NEO1: variants seen among roughly 807,000 people sequenced by gnomAD.
The protein encoded by NEO1 is neogenin.
Under a neutral mutation model 159.7 loss-of-function variants are expected in NEO1, and 63 were observed. That is an observed-to-expected ratio of 0.39 (90% CI 0.32 to 0.49). NEO1 has a LOEUF of 0.49. Among genes scored for constraint, NEO1 ranks in the 20% least tolerant of loss-of-function variants. The pLI is 0.85. For missense variants in NEO1, 1,615 were observed against 1,831.0 expected (o/e 0.88, Z 2.15); for synonymous variants, 633 against 662.0 (o/e 0.96, Z 0.67).
At chr15:73,249,515 A>C (rs2039964323) in intron 10 of NEO1, 68 bp from the exon 11 acceptor site, 2 of 1,451,444 alleles carry the variant, frequency 1.4e-6, no homozygotes, top group African/African-American at 1.4e-5. Context: ...TTGTGTAGCT[A>C]ATTCTTTAAT....
At chr15:73,141,689 C>G (rs896281542) in intron 5 of NEO1, among the ~76,000 whole-genome samples, 1 of 152,214 alleles carries the variant, frequency 6.6e-6, no homozygotes, top group Non-Finnish European at 1.5e-5. Context: ...GCCTATGTCA[C>G]TCTACTTCTT....
chr15:73,122,649 C>G lies in NEO1; in HGVS notation c.573C>G (p.Pro191=). The change falls in exon 3 of 29, where the codon CCC becomes CCG. Residue 191 remains proline, a synonymous_variant. Transcript: ENST00000261908. ...PFVRWEQNRQ[P]LLLDDRVIKL... Reference sequence around the variant, plus strand: ...TGAGGTGGGAACAGAACAGACAACCCCTTCTTCTGGATGATAGAGTTATCA... The same window carrying G: ...TGAGGTGGGAACAGAACAGACAACCGCTTCTTCTGGATGATAGAGTTATCA... 1 of 1,613,984 alleles carries G rather than the reference C, an allele frequency of 6.2e-7. No homozygotes were observed. Among genetic ancestry groups the G allele is most frequent in the East Asian group, 2.2e-5 (1 of 44,888 alleles).
intron 1 of NEO1, among the ~76,000 whole-genome samples, chr15:73,093,753 A>G (rs1036711010): frequency 2.6e-5 from 4 of 151,588 alleles, no homozygotes; most frequent in African/African-American, 4.8e-5. Flanking sequence ...AATTTTTTGT[A>G]TTTTTTGTAG....
In NEO1 at chr15:73,276,595, C is replaced by T. The variant is rs1036471744; in HGVS notation, c.3194-1536C>T. ...ACTGTGAGTAAATTCTAGAATATGC[C>T]CTTTTGGATATCCAGGAACTCCTGT... On this transcript the variant is annotated intron_variant, in intron 21 of 28. Coordinates refer to ENST00000261908, the MANE Select transcript of NEO1 (RefSeq NM_002499.4). 4.6e-5 allele frequency among the ~76,000 whole-genome samples: 7 copies of T among 152,170 alleles called. No homozygotes were observed. The East Asian group carries it at 1.4e-3, about 29-fold the overall frequency.
chr15:73,098,039 A>G (rs781765020), intron 1 of NEO1, among the ~76,000 whole-genome samples: 5 of 151,838 alleles, frequency 3.3e-5, no homozygotes, highest in Non-Finnish European at 5.9e-5. Flanking sequence ...CAAGAATATC[A>G]TGTTCTCCAA....
At chr15:73,154,804 C>A (rs1173821235) in intron 5 of NEO1, among the ~76,000 whole-genome samples, 1 of 152,170 alleles carries the variant, frequency 6.6e-6, no homozygotes, top group African/African-American at 2.4e-5. Context: ...TTCCACCAAT[C>A]TATATCTTTT....
intron 7 of NEO1, among the ~76,000 whole-genome samples, chr15:73,205,505 C>T (rs1484730639): frequency 6.6e-6 from 1 of 152,218 alleles, no homozygotes; most frequent in Non-Finnish European, 1.5e-5. Context: ...CTCGTGATGA[C>T]AACCTGGTAA....
At chr15:73,127,984 C>G (rs940662052) in intron 4 of NEO1, among the ~76,000 whole-genome samples, 1 of 152,106 alleles carries the variant, frequency 6.6e-6, no homozygotes, top group Non-Finnish European at 1.5e-5. Context: ...AGTTCAGTAT[C>G]CAAGACGTAG....
intron 7 of NEO1, among the ~76,000 whole-genome samples, chr15:73,206,189 G>A (rs536081166): frequency 2.0e-5 from 3 of 152,304 alleles, no homozygotes; most frequent in African/African-American, 7.2e-5. Context: ...TTACAGGCAT[G>A]AGCCACCACA....
At chr15:73,186,406 G>T (rs969303251) in intron 7 of NEO1, among the ~76,000 whole-genome samples, 6 of 151,870 alleles carry the variant, frequency 4.0e-5, no homozygotes, top group South Asian at 4.2e-4. Flanking sequence ...GTGAAATAAA[G>T]ACCTTTTCAG....
At chr15:73,240,570 C>A (rs2039442961) in intron 8 of NEO1, among the ~76,000 whole-genome samples, 1 of 152,124 alleles carries the variant, frequency 6.6e-6, no homozygotes, top group Non-Finnish European at 1.5e-5. Context: ...AAGAAGGGAC[C>A]ATTTTTGACT....
intron 4 of NEO1, among the ~76,000 whole-genome samples, chr15:73,128,240 A>ATTT (rs768437291): frequency 5.7e-5 from 8 of 139,982 alleles, no homozygotes; most frequent in African/African-American, 1.8e-4. Context: ...ATAAGACTTC[A>ATTT]TTTTTTTTTT....
At chr15:73,077,400 T>C (rs2068825620) in intron 1 of NEO1, among the ~76,000 whole-genome samples, 1 of 152,230 alleles carries the variant, frequency 6.6e-6, no homozygotes, top group African/African-American at 2.4e-5. Context: ...AAACTAGTTA[T>C]GTTCTCCACC....
chr15:73,283,331 C>G (rs1376345470), intron 23 of NEO1, among the ~76,000 whole-genome samples: 3 of 152,196 alleles, frequency 2.0e-5, no homozygotes, highest in Non-Finnish European at 4.4e-5. Flanking sequence ...AGGTAATTTA[C>G]AAAGTCATAG....
At chr15:73,108,191 G>A (rs77252546) in intron 1 of NEO1, among the ~76,000 whole-genome samples, 2,205 of 152,268 alleles carry the variant, frequency 0.014, 69 homozygotes, top group African/African-American at 0.051. Context: ...TGCTAAGACT[G>A]TTTATTATTA....
intron 13 of NEO1, chr15:73,256,223 G>C (rs1183787031): frequency 2.6e-5 from 4 of 152,368 alleles, no homozygotes; most frequent in African/African-American, 9.6e-5. Context: ...TTTCCAGCCA[G>C]GTGCAGTGGC....
chr15:73,215,877 G>A (rs1423195848), intron 7 of NEO1, among the ~76,000 whole-genome samples: 1 of 152,002 alleles, frequency 6.6e-6, no homozygotes, highest in African/African-American at 2.4e-5. Context: ...TTCTTTGAAT[G>A]TCTGATAGAA....
chr15:73,106,374 TAAA>T (rs2070694608), intron 1 of NEO1, among the ~76,000 whole-genome samples: 1 of 152,116 alleles, frequency 6.6e-6, no homozygotes, highest in Non-Finnish European at 1.5e-5. Context: ...ATTAGAAAAG[TAAA>T]AAACAGGTTG....
At chr15:73,116,268 C>G (rs978309663) in intron 1 of NEO1, among the ~76,000 whole-genome samples, 3 of 152,016 alleles carry the variant, frequency 2.0e-5, no homozygotes, top group Non-Finnish European at 4.4e-5. Context: ...TGAAATAAAA[C>G]TTTTATTAGA....
Sources: gnomAD v4.1 joint callset for allele counts (sites outside exome capture counted in the v4.1 genomes callset) on GRCh38, gnomAD v4.1.1 for gene constraint, MANE v1.5 for transcripts, NCBI Gene and HGNC (gene_info 2026-07-23, HGNC 2026-07-21) for gene names.